LGALS4: variants seen among roughly 807,000 people sequenced by gnomAD.
LGALS4 encodes the protein galectin-4.
A neutral mutation model predicts 39.6 loss-of-function variants in LGALS4; 37 were observed. That is an observed-to-expected ratio of 0.93 (90% CI 0.72 to 1.23). The LOEUF is 1.23. Among genes scored for constraint, LGALS4 ranks in the 50% most tolerant of loss-of-function variants. The pLI is 0.00. For missense variants in LGALS4, 397 were observed against 433.2 expected (o/e 0.92, Z 0.74); for synonymous variants, 160 against 165.5 (o/e 0.97, Z 0.25).
At chr19:38,803,376 C>T in intron 7 of LGALS4, 146 bp downstream of exon 7, 1 of 743,468 alleles carries the variant, frequency 1.3e-6, no homozygotes, top group Non-Finnish European at 2.3e-6. Context: ...ATTCCTTCTG[C>T]TCCCTAAACC....
At chr19:38,802,869 G>A (rs1393806224) in intron 7 of LGALS4, among the ~76,000 whole-genome samples, 1 of 151,490 alleles carries the variant, frequency 6.6e-6, no homozygotes, top group Non-Finnish European at 1.5e-5. Context: ...GTAGAGACGG[G>A]GATTCATCAT....
At chr19:38,803,618 G>GACA in intron 6 of LGALS4, 67 bp from the exon 7 acceptor site, 1 of 1,598,666 alleles carries the variant, frequency 6.3e-7, no homozygotes, top group Non-Finnish European at 8.6e-7. Flanking sequence ...ACACCCATTA[G>GACA]ACTCCGGCGT....
rs144672000 is a variant in LGALS4, at chr19:38,802,007, G to A, written c.810C>T (p.Pro270=). ...TCAGACTCACATCAAAGAACTGTCC[G>A]GGACCAAATGGGTTGTGGGTGATCT... The part of the protein sequence containing the change: ...EKKITHNPFG[P]GQFFDLSIRC... The change falls in exon 9 of 10, where the codon CCC becomes CCT. Residue 270 remains proline, a synonymous_variant. Coordinates refer to ENST00000307751, the MANE Select transcript of LGALS4 (RefSeq NM_006149.4). 139 of 1,614,074 alleles carry A rather than the reference G, an allele frequency of 8.6e-5. No individual in the cohort carries two copies. The highest frequency in any genetic ancestry group is 1.1e-4 in the Non-Finnish European group (124 of 1,180,040).
chr19:38,812,834 C>A lies in LGALS4; in HGVS notation c.45+8G>T. ...GCGGGCGGAGTGGGGCCTGAGCTGG[C>A]ATCTCACCGGGTTGTAGGTGGGCTG... On this transcript the variant is annotated splice_region_variant and intron_variant, in intron 1 of 9. Transcript: ENST00000307751. The A allele has an allele frequency of 6.2e-7, 1 of 1,611,202 alleles. No homozygotes were observed. Among genetic ancestry groups the A allele is most frequent in the Non-Finnish European group, 8.5e-7 (1 of 1,179,872 alleles).
At position 38,803,541 on chromosome 19, in the gene LGALS4, C is replaced by T; in HGVS notation, c.551G>A (p.Gly184Glu). 1 of 1,614,068 alleles carries T rather than the reference C, an allele frequency of 6.2e-7. No individual in the cohort carries two copies. The highest frequency in any genetic ancestry group is 8.5e-7 in the Non-Finnish European group (1 of 1,179,974). Residue 184 changes from glycine (G) to glutamate (E), a missense_variant, in exon 7 of 10, where the codon GGA becomes GAA. Gly to Glu is a moderately conservative substitution (Grantham distance 98). Coordinates refer to ENST00000307751, the MANE Select transcript of LGALS4 (RefSeq NM_006149.4). ...CCATACCGGGTTGAAGGTTGGGGGT[C>T]CTTCCATGGTCTGTGAAGTGAGGAA... ...QQLNSLPTMEGPPTFNPPVPY... is the reference protein window; with the variant it reads ...QQLNSLPTMEEPPTFNPPVPY...
rs570886251 is a variant in LGALS4, at chr19:38,803,445, C to G, written c.570+77G>C. 78 of 1,486,480 alleles carry G rather than the reference C, an allele frequency of 5.2e-5. 1 individual carries two copies. The African/African-American group carries it at 1.0e-3, about 19-fold the overall frequency. The allele number at this position is 1,486,480 out of a possible 1,614,324, so 92.1% of individuals were successfully genotyped here. ...CCCACCCCAAAACCCTCAGCCCACT[C>G]CCTTTCTGGCTGTCTCAGATTCCCT... On this transcript the variant is annotated intron_variant, in intron 7 of 9. Coordinates refer to ENST00000307751, the MANE Select transcript of LGALS4 (RefSeq NM_006149.4).
intron 2 of LGALS4, among the ~76,000 whole-genome samples, chr19:38,809,644 CTTTTTTTT>C (rs66473176): frequency 1.3e-5 from 1 of 74,516 alleles, no homozygotes; most frequent in African/African-American, 5.9e-5. Context: ...CTATGCCTGG[CTTTTTTTT>C]TTTTTTTTTT....
rs780954279 is a variant in LGALS4, at chr19:38,808,816, C to T, written c.267G>A (p.Arg89=). The part of the protein sequence containing the change: ...LQGGKWGSEE[R]KRSMPFKKGA... The stretch of plus-strand genomic sequence containing the variant: ...CCTTTTTGAAGGGCATGCTCCTCTT[C>T]CTCTCCTCGCTGCCCCACTTCCCGC... Residue 89 remains arginine (R), a synonymous_variant, in exon 3 of 10, where the codon AGG becomes AGA. Coordinates refer to ENST00000307751, the MANE Select transcript of LGALS4 (RefSeq NM_006149.4). 14 of 1,614,174 alleles carry T rather than the reference C, an allele frequency of 8.7e-6. No homozygotes were observed.
intron 7 of LGALS4, chr19:38,803,250 C>T: frequency 1.8e-6 from 1 of 550,188 alleles, no homozygotes; most frequent in East Asian, 3.0e-5. Flanking sequence ...ATCTCCTGAC[C>T]TCGTGATCTG....
In LGALS4 at chr19:38,810,899, C is replaced by CTT. The variant is rs59517682; in HGVS notation, c.134+1530_134+1531dup. 1.3e-3 allele frequency among the ~76,000 whole-genome samples: 159 copies of CTT among 125,024 alleles called. 3 individuals are homozygous for CTT. Among genetic ancestry groups the CTT allele is most frequent in the South Asian group, 4.8e-3 (18 of 3,734 alleles). 82.0% of individuals were successfully genotyped at this position (125,024 alleles called of 152,430 possible). ...ATCATCTGACATCTTACATATTTGA[C>CTT]TTTTTTTTTTTTTTTTTTTGAGACA... On this transcript the variant is annotated intron_variant, in intron 2 of 9. Transcript: ENST00000307751.
In LGALS4 at chr19:38,812,415, T is replaced by G. The variant is rs756806568; in HGVS notation, c.134+16A>C. ...AAGTCCCCTGCCAGCCCGGCCTGGC[T>G]TGGGGAGGGTCTTACCGCTTCATGT... On this transcript the variant is annotated intron_variant, in intron 2 of 9. Coordinates refer to ENST00000307751, the MANE Select transcript of LGALS4 (RefSeq NM_006149.4). 1.1e-5 allele frequency: 17 copies of G among 1,612,060 alleles called. No homozygotes were observed. In the South Asian group the frequency reaches 1.9e-4, roughly 18 times the overall value.
At chr19:38,802,473 C>A in intron 7 of LGALS4, 69 bp from the exon 8 acceptor site, 1 of 1,229,088 alleles carries the variant, frequency 8.1e-7, no homozygotes. Flanking sequence ...AAGAAATTTT[C>A]TTTTTCTTTT....
intron 3 of LGALS4, among the ~76,000 whole-genome samples, chr19:38,807,196 G>A (rs969207405): frequency 4.0e-5 from 6 of 148,826 alleles, no homozygotes; most frequent in African/African-American, 1.0e-4. Context: ...GCAAGACCCC[G>A]TCTTTACAAA....
intron 2 of LGALS4, among the ~76,000 whole-genome samples, chr19:38,810,654 G>A (rs1228863975): frequency 2.6e-5 from 4 of 151,968 alleles, no homozygotes; most frequent in Non-Finnish European, 4.4e-5. Flanking sequence ...GAGCCACCAC[G>A]CCCAGCCAGA....
intron 1 of LGALS4, 56 bp downstream of exon 1, chr19:38,812,786 T>C: frequency 6.3e-7 from 1 of 1,580,100 alleles, no homozygotes; most frequent in Non-Finnish European, 8.6e-7. Context: ...GGAAAATTGG[T>C]GTGAGGGCTT....
chr19:38,804,862 C>T (rs533967516), intron 4 of LGALS4, among the ~76,000 whole-genome samples: 3 of 151,898 alleles, frequency 2.0e-5, no homozygotes, highest in African/African-American at 4.8e-5. Context: ...AACAAATAAA[C>T]GTAGCTTTAT....
chr19:38,805,554 G>A (rs1971412732), intron 4 of LGALS4, among the ~76,000 whole-genome samples: 1 of 152,032 alleles, frequency 6.6e-6, no homozygotes. Flanking sequence ...AGTCATTCCT[G>A]TCTCCAGCCC....
Position 38,802,419 on chromosome 19 carries a change from C to CGG in LGALS4, c.571-17_571-16dup. On this transcript the variant is annotated splice_polypyrimidine_tract_variant and intron_variant, in intron 7 of 9. Coordinates refer to ENST00000307751, the MANE Select transcript of LGALS4 (RefSeq NM_006149.4). ...TATGGCACAGGCTGTGGGAAGAGAACGGGGGGTCCCATTCTCTCTCAGCTT... is the reference window on the plus strand; with the variant it reads ...TATGGCACAGGCTGTGGGAAGAGAACGGGGGGGGTCCCATTCTCTCTCAGCTT... The CGG allele has an allele frequency of 6.3e-7, 1 of 1,599,236 alleles. No homozygotes were observed. Among genetic ancestry groups the CGG allele is most frequent in the Non-Finnish European group, 8.6e-7 (1 of 1,166,448 alleles).
rs372115489 is a variant in LGALS4, at chr19:38,802,285, G to T, written c.659+31C>A. On this transcript the variant is annotated intron_variant, in intron 8 of 9. Coordinates refer to ENST00000307751, the MANE Select transcript of LGALS4 (RefSeq NM_006149.4). The stretch of plus-strand genomic sequence containing the variant: ...ATTGTTGGGTCTGAGGGAGGAGGGG[G>T]CTGGGGGTTCCCACCTAGTTTACGT... 7.1e-4 allele frequency: 1,138 copies of T among 1,601,374 alleles called. 3 individuals are homozygous for T. The highest frequency in any genetic ancestry group is 4.8e-3 in the Middle Eastern group (29 of 6,040).
Sources: gnomAD v4.1 joint callset for allele counts (sites outside exome capture counted in the v4.1 genomes callset) on GRCh38, gnomAD v4.1.1 for gene constraint, MANE v1.5 for transcripts, NCBI Gene and HGNC (gene_info 2026-07-23, HGNC 2026-07-21) for gene names.